The following ENOX1 variants were observed in gnomAD, a reference collection of about 807,000 sequenced individuals.
The protein encoded by ENOX1 is candidate growth-related and time keeping constitutive hydroquinone (NADH) oxidase.
Under a neutral mutation model 82.5 loss-of-function variants are expected in ENOX1, and 42 were observed. That is an observed-to-expected ratio of 0.51 (90% CI 0.40 to 0.66). The LOEUF (loss-of-function observed/expected upper bound fraction) is 0.66. ENOX1 is among the 30% of genes least tolerant of loss of function. The probability of loss-of-function intolerance (pLI) is 0.00; values close to 1 mark genes in which losing one functional copy is unlikely to be tolerated. For missense variants in ENOX1, 608 were observed against 811.6 expected (o/e 0.75, Z 3.05); for synonymous variants, 271 against 282.2 (o/e 0.96, Z 0.40).
intron 1 of ENOX1, among the ~76,000 whole-genome samples, chr13:43,709,090 G>A (rs392930): frequency 0.92 from 139,538 of 152,202 alleles, 64,261 homozygotes; most frequent in East Asian, 1. Context: ...TAATTCTACA[G>A]TTTAATAAAG....
chr13:43,771,103 G>C (rs1441421616), intron 1 of ENOX1, among the ~76,000 whole-genome samples: 1 of 152,160 alleles, frequency 6.6e-6, no homozygotes, highest in East Asian at 1.9e-4. Flanking sequence ...TGTCTTTCCA[G>C]AAGAGTGGAA....
chr13:43,655,575 C>A (rs2084391900), intron 2 of ENOX1, among the ~76,000 whole-genome samples: 1 of 152,166 alleles, frequency 6.6e-6, no homozygotes, highest in African/African-American at 2.4e-5. Context: ...CAATCATCTA[C>A]CCGAATGTCA....
At chr13:43,320,842 G>T (rs973647430) in intron 11 of ENOX1, among the ~76,000 whole-genome samples, 11 of 152,152 alleles carry the variant, frequency 7.2e-5, no homozygotes, top group African/African-American at 2.4e-4. Context: ...TTTATTTGAA[G>T]ATCTTGTTGA....
chr13:43,412,873 G>A lies in ENOX1; in HGVS notation c.42C>T (p.Pro14=). 2 of 1,614,066 alleles carry A rather than the reference G, an allele frequency of 1.2e-6. No homozygotes were observed. Among genetic ancestry groups the A allele is most frequent in the South Asian group, 2.2e-5 (2 of 91,068 alleles). ...CAGCCATCATCTGAGGAAGCTCCTG[G>A]GGAAGCTGGGTGATGTTCTCAACTC... The part of the protein sequence containing the change: ...AGGVENITQL[P]QELPQMMAAA... The change falls in exon 4 of 17, where the codon CCC becomes CCT. Residue 14 remains proline (P), a synonymous_variant. Transcript: ENST00000690772.
intron 2 of ENOX1, among the ~76,000 whole-genome samples, chr13:43,532,006 A>G (rs1024222858): frequency 1.3e-5 from 2 of 152,024 alleles, no homozygotes; most frequent in Non-Finnish European, 2.9e-5. Context: ...GCACACCAAC[A>G]TTGCACATGT....
Position 43,705,869 on chromosome 13 carries a change from A to T in ENOX1, c.-284-38325T>A, listed in dbSNP as rs299327. ...ACAAAGCAAAATTCATATAGTACAC[A>T]TTCTTGTCCAGTACATTGAAAAATA... On this transcript the variant is annotated intron_variant, in intron 1 of 16. Transcript: ENST00000690772. Among the ~76,000 whole-genome samples, 971 of 152,288 alleles carry T rather than the reference A, an allele frequency of 6.4e-3. 9 individuals carry two copies. Among genetic ancestry groups the T allele is most frequent in the African/African-American group, 0.022 (923 of 41,584 alleles).
chr13:43,492,111 C>T (rs904026939), intron 2 of ENOX1, among the ~76,000 whole-genome samples: 5 of 152,194 alleles, frequency 3.3e-5, no homozygotes, highest in Non-Finnish European at 7.3e-5. Context: ...GTGAACCACC[C>T]TATGGCGAGG....
chr13:43,693,575 A>T (rs929030009), intron 1 of ENOX1, among the ~76,000 whole-genome samples: 3 of 152,210 alleles, frequency 2.0e-5, no homozygotes, highest in Admixed American at 2.0e-4. Context: ...ACTGTTTCAT[A>T]TCCATTCAAC....
At chr13:43,295,777 AG>A (rs753813670) in intron 12 of ENOX1, among the ~76,000 whole-genome samples, 1 of 152,242 alleles carries the variant, frequency 6.6e-6, no homozygotes, top group Non-Finnish European at 1.5e-5. Context: ...GATTCAAATT[AG>A]CAAATTGTGG....
chr13:43,444,473 A>G (rs1428112746), intron 3 of ENOX1, among the ~76,000 whole-genome samples: 1 of 152,192 alleles, frequency 6.6e-6, no homozygotes, highest in Non-Finnish European at 1.5e-5. Context: ...GTTCTGGGAC[A>G]TCCCTTGTCT....
chr13:43,422,756 T>C (rs1222457767), intron 3 of ENOX1, among the ~76,000 whole-genome samples: 2 of 152,124 alleles, frequency 1.3e-5, no homozygotes, highest in Admixed American at 1.3e-4. Flanking sequence ...ACAATTTTCT[T>C]TTGGCACAAA....
intron 3 of ENOX1, among the ~76,000 whole-genome samples, chr13:43,418,154 C>G (rs991812658): frequency 6.6e-6 from 1 of 151,926 alleles, no homozygotes; most frequent in African/African-American, 2.4e-5. Context: ...GGTTGTAGAG[C>G]CGAGATCACA....
chr13:43,354,623 G>A (rs1344249314), intron 8 of ENOX1, among the ~76,000 whole-genome samples: 2 of 152,120 alleles, frequency 1.3e-5, no homozygotes, highest in African/African-American at 4.8e-5. Flanking sequence ...ACACTTGAAG[G>A]ATCAATCACA....
intron 3 of ENOX1, among the ~76,000 whole-genome samples, chr13:43,470,378 A>AGTG (rs1566308238): frequency 2.8e-5 from 1 of 35,724 alleles, no homozygotes; most frequent in East Asian, 2.9e-4. Context: ...ATATATATAC[A>AGTG]TATATATACG....
chr13:43,674,972 T>G (rs1161634482), intron 1 of ENOX1, among the ~76,000 whole-genome samples: 1 of 152,210 alleles, frequency 6.6e-6, no homozygotes, highest in Non-Finnish European at 1.5e-5. Flanking sequence ...AAGGCCCAGC[T>G]TGGCTAAAGC....
chr13:43,628,869 T>C (rs923789264), intron 2 of ENOX1, among the ~76,000 whole-genome samples: 7 of 152,126 alleles, frequency 4.6e-5, no homozygotes, highest in African/African-American at 1.7e-4. Context: ...AACTGCTGGA[T>C]ATGGTTGGGG....
intron 2 of ENOX1, among the ~76,000 whole-genome samples, chr13:43,560,401 C>T (rs1227569141): frequency 6.6e-6 from 1 of 152,174 alleles, no homozygotes. Flanking sequence ...AACAGAGTAA[C>T]AATTTCTCAC....
chr13:43,364,928 A>C (rs1365215123), intron 5 of ENOX1, among the ~76,000 whole-genome samples: 1 of 152,112 alleles, frequency 6.6e-6, no homozygotes, highest in Non-Finnish European at 1.5e-5. Context: ...ACAATTTTTC[A>C]TGGCTCTTTC....
At chr13:43,367,528 C>CA (rs2050928600) in intron 5 of ENOX1, among the ~76,000 whole-genome samples, 1 of 152,088 alleles carries the variant, frequency 6.6e-6, no homozygotes, top group Non-Finnish European at 1.5e-5. Flanking sequence ...AAGGATCACC[C>CA]AGGATAGCCG....
Sources: gnomAD v4.1 joint callset for allele counts (sites outside exome capture counted in the v4.1 genomes callset) on GRCh38, gnomAD v4.1.1 for gene constraint, MANE v1.5 for transcripts, NCBI Gene and HGNC (gene_info 2026-07-23, HGNC 2026-07-21) for gene names.